Variants in CACNG3 observed in about 807,000 individuals in gnomAD.
CACNG3 encodes the protein calcium voltage-gated channel auxiliary subunit gamma 3.
A neutral mutation model predicts 28.5 loss-of-function variants in CACNG3; 3 were observed. The observed-to-expected ratio is 0.11, with a 90% CI of 0.05 to 0.27. The LOEUF (loss-of-function observed/expected upper bound fraction) is 0.27. CACNG3 is among the 10% of genes least tolerant of loss of function. CACNG3 has a pLI of 1.00. For missense variants in CACNG3, 236 were observed against 414.4 expected, an observed-to-expected ratio of 0.57 and a Z score of 3.74; for synonymous variants, 174 against 162.2, an observed-to-expected ratio of 1.07 and a Z score of -0.55.
At chr16:24,314,749 C>CCTCCTCCTG (rs1899323727) in intron 1 of CACNG3, among the ~76,000 whole-genome samples, 1 of 149,712 alleles carries the variant, frequency 6.7e-6, no homozygotes, top group Non-Finnish European at 1.5e-5. Flanking sequence ...TCCTCCTCCT[C>CCTCCTCCTG]CTCCTCCTCC....
rs1208401159 is a variant in CACNG3, at chr16:24,257,106, T to TCA, written c.211+141_211+142insCA. The TCA allele has an allele frequency of 1.4e-5, 9 of 643,656 alleles. No individual in the cohort carries two copies. The Admixed American group carries it at 2.2e-4, about 16-fold the overall frequency. The allele number at this position is 643,656 out of a possible 1,614,324, so 39.9% of individuals were successfully genotyped here. On this transcript the variant is annotated intron_variant, in intron 1 of 3. Coordinates refer to ENST00000005284, the MANE Select transcript of CACNG3 (RefSeq NM_006539.4). The stretch of plus-strand genomic sequence containing the variant: ...GAATGTGCAGGTGCCCAGACTCTGT[T>TCA]AACAGCAAGACTGACGCCATGTGGG...
At chr16:24,268,882 C>T (rs886996718) in intron 1 of CACNG3, among the ~76,000 whole-genome samples, 11 of 152,164 alleles carry the variant, frequency 7.2e-5, no homozygotes, top group Non-Finnish European at 7.3e-5. Context: ...GCGTCAGGCA[C>T]GAGTCAACCC....
chr16:24,327,455 TACACACACAC>T (rs751581514), intron 1 of CACNG3, among the ~76,000 whole-genome samples: 3 of 91,316 alleles, frequency 3.3e-5, no homozygotes, highest in African/African-American at 4.3e-5. Context: ...TATATATATA[TACACACACAC>T]ACACACACAC....
rs189985181 is a variant in CACNG3, at chr16:24,270,939, T to G, written c.211+13974T>G. On this transcript the variant is annotated intron_variant, in intron 1 of 3. Transcript: ENST00000005284. Reference sequence around the variant, plus strand: ...AGATGGATCAGCAAGCGCAAAGGCTTGAAGCGGGGAATGTGCCTGGAGTGT... The same window carrying G: ...AGATGGATCAGCAAGCGCAAAGGCTGGAAGCGGGGAATGTGCCTGGAGTGT... 1.1e-4 allele frequency among the ~76,000 whole-genome samples: 17 copies of G among 152,216 alleles called. No individual in the cohort carries two copies. The East Asian group carries it at 2.5e-3, about 23-fold the overall frequency.
chr16:24,274,750 A>C (rs1194922946), intron 1 of CACNG3, among the ~76,000 whole-genome samples: 1 of 152,218 alleles, frequency 6.6e-6, no homozygotes, highest in African/African-American at 2.4e-5. Flanking sequence ...TTAGCACTTA[A>C]GTTAACAACA....
chr16:24,274,607 T>C (rs529571597), intron 1 of CACNG3, among the ~76,000 whole-genome samples: 8 of 152,276 alleles, frequency 5.3e-5, no homozygotes, highest in Non-Finnish European at 1.2e-4. Context: ...ATGGAGCCCC[T>C]ACCATGGAAC....
chr16:24,335,765 A>G (rs540981721), intron 1 of CACNG3, among the ~76,000 whole-genome samples: 7 of 152,220 alleles, frequency 4.6e-5, no homozygotes, highest in Non-Finnish European at 8.8e-5. Flanking sequence ...AAACATGGAT[A>G]CTATGATGAT....
intron 1 of CACNG3, among the ~76,000 whole-genome samples, chr16:24,333,008 A>G (rs1899651970): frequency 1.3e-5 from 2 of 152,232 alleles, no homozygotes; most frequent in African/African-American, 2.4e-5. Context: ...GATGTGATAG[A>G]CACATCCAAT....
intron 1 of CACNG3, among the ~76,000 whole-genome samples, chr16:24,301,515 G>A (rs1349315198): frequency 2.6e-5 from 4 of 152,148 alleles, no homozygotes; most frequent in Admixed American, 6.6e-5. Flanking sequence ...TGCAGCTCAC[G>A]ACGGTCACAG....
chr16:24,302,972 T>A (rs982264544), intron 1 of CACNG3, among the ~76,000 whole-genome samples: 2 of 152,056 alleles, frequency 1.3e-5, no homozygotes, highest in African/African-American at 4.8e-5. Context: ...ATTTTTTTTT[T>A]AAATAGAGAT....
Position 24,302,557 on chromosome 16 carries a change from C to T in CACNG3, c.212-44177C>T, listed in dbSNP as rs564087360. On this transcript the variant is annotated intron_variant, in intron 1 of 3. Coordinates refer to ENST00000005284, the MANE Select transcript of CACNG3 (RefSeq NM_006539.4). ...GCAGCCTTGAACTCCTGGGCTCAAG[C>T]CATCTTCCCACCTCAGCCCCTAGAA... Among the ~76,000 whole-genome samples the T allele has an allele frequency of 4.6e-5, 7 of 152,122 alleles. No individual in the cohort carries two copies. In the South Asian group the frequency reaches 8.3e-4, roughly 18 times the overall value.
At chr16:24,273,525 T>C (rs978566525) in intron 1 of CACNG3, among the ~76,000 whole-genome samples, 1 of 152,248 alleles carries the variant, frequency 6.6e-6, no homozygotes, top group African/African-American at 2.4e-5. Context: ...AGATTCACTC[T>C]GGTTGCATCC....
At chr16:24,298,974 A>G (rs371593197) in intron 1 of CACNG3, among the ~76,000 whole-genome samples, 105 of 152,270 alleles carry the variant, frequency 6.9e-4, no homozygotes, top group African/African-American at 2.4e-3. Context: ...AACATGACTC[A>G]CCACTGATGA....
At chr16:24,269,263 C>A (rs1356055392) in intron 1 of CACNG3, among the ~76,000 whole-genome samples, 1 of 152,232 alleles carries the variant, frequency 6.6e-6, no homozygotes, top group Non-Finnish European at 1.5e-5. Context: ...AATAAATACA[C>A]CTTGAATTTT....
At chr16:24,310,678 T>A (rs191527992) in intron 1 of CACNG3, among the ~76,000 whole-genome samples, 2 of 152,222 alleles carry the variant, frequency 1.3e-5, no homozygotes, top group Non-Finnish European at 2.9e-5. Flanking sequence ...GAGATAGGTA[T>A]TGTTGTTAAC....
chr16:24,265,430 GGA>G (rs1567206427), intron 1 of CACNG3, among the ~76,000 whole-genome samples: 22 of 26,182 alleles, frequency 8.4e-4, no homozygotes, highest in African/African-American at 3.4e-3. Flanking sequence ...AAGGAAGGAA[GGA>G]GAGAGAGAGA....
chr16:24,345,259 T>C (rs1318321370), intron 1 of CACNG3, among the ~76,000 whole-genome samples: 2 of 152,154 alleles, frequency 1.3e-5, no homozygotes, highest in Non-Finnish European at 2.9e-5. Flanking sequence ...CCCCCCTGAT[T>C]CCACTCCAGC....
intron 1 of CACNG3, among the ~76,000 whole-genome samples, chr16:24,298,823 T>C (rs1194871367): frequency 1.3e-5 from 2 of 152,212 alleles, no homozygotes; most frequent in African/African-American, 2.4e-5. Context: ...TGAGAAGTGC[T>C]AGCTAGTTAT....
intron 1 of CACNG3, among the ~76,000 whole-genome samples, chr16:24,295,008 T>C (rs1175331577): frequency 6.6e-6 from 1 of 152,196 alleles, no homozygotes; most frequent in African/African-American, 2.4e-5. Flanking sequence ...GTAACTGCCC[T>C]CACATGCATG....
Sources: allele counts gnomAD v4.1 joint callset (sites outside exome capture counted in the v4.1 genomes callset), GRCh38; gene constraint gnomAD v4.1.1; transcripts MANE v1.5; gene names NCBI Gene and HGNC (gene_info 2026-07-23, HGNC 2026-07-21).